Variants in SDHAF4 observed in about 807,000 individuals in gnomAD.
The protein encoded by SDHAF4 is succinate dehydrogenase complex assembly factor 4.
Under a neutral mutation model 14.3 loss-of-function variants are expected in SDHAF4, and 14 were observed. The observed-to-expected ratio is 0.98, with a 90% CI of 0.65 to 1.53. SDHAF4 has a LOEUF of 1.53. Among genes scored for constraint, SDHAF4 ranks in the 40% most tolerant of loss-of-function variants. SDHAF4 has a pLI of 0.00. For missense variants in SDHAF4, 141 were observed against 129.3 expected, an observed-to-expected ratio of 1.09 and a Z score of -0.44; for synonymous variants, 63 against 47.3, an observed-to-expected ratio of 1.33 and a Z score of -1.36.
intron 1 of SDHAF4, among the ~76,000 whole-genome samples, chr6:70,568,145 ATAG>A (rs1423985803): frequency 6.6e-6 from 1 of 152,200 alleles, no homozygotes; most frequent in African/African-American, 2.4e-5. Flanking sequence ...TAAGTTTTAA[ATAG>A]TCCAGAAATG....
chr6:70,594,485 C>G (rs960586373), downstream of SDHAF4, among the ~76,000 whole-genome samples: 2 of 152,122 alleles, frequency 1.3e-5, no homozygotes, highest in Admixed American at 6.5e-5. Context: ...CATTTGGCCA[C>G]CTCACCTTTT....
At chr6:70,590,897 T>G (rs879389949), downstream of SDHAF4, among the ~76,000 whole-genome samples, 5 of 152,060 alleles carry the variant, frequency 3.3e-5, no homozygotes, top group Non-Finnish European at 7.4e-5. Context: ...GCCAGTGGTG[T>G]GAATCAGTCT....
At chr6:70,573,350 G>T (rs1403708060) in intron 1 of SDHAF4, among the ~76,000 whole-genome samples, 1 of 135,438 alleles carries the variant, frequency 7.4e-6, no homozygotes, top group East Asian at 2.1e-4. Context: ...TGCAAACTCT[G>T]CCTCCTGGGT....
chr6:70,577,362 G>A (rs1025685998), intron 1 of SDHAF4, among the ~76,000 whole-genome samples: 1 of 144,576 alleles, frequency 6.9e-6, no homozygotes, highest in Non-Finnish European at 1.5e-5. Context: ...AAATTGATCT[G>A]CTTCTAAAAG....
chr6:70,577,404 G>A (rs770224761), intron 1 of SDHAF4, among the ~76,000 whole-genome samples: 2 of 152,132 alleles, frequency 1.3e-5, no homozygotes, highest in African/African-American at 2.4e-5. Flanking sequence ...AACCCCTAAC[G>A]CTGAGATCAC....
chr6:70,579,453 CT>C lies in SDHAF4; in HGVS notation c.106del (p.Ser36LeufsTer31). On this transcript the variant is annotated frameshift_variant, in exon 2 of 3. Coordinates refer to ENST00000370474, the MANE Select transcript of SDHAF4 (RefSeq NM_145267.3). LOFTEE classifies it high-confidence loss of function. ...LLCHSLRKTS[S>X]SQGGKSELVK... ...TGTCATTCTCTGAGGAAAACAAGTT[CT>C]TCTCAAGGAGGAAAGTCTGAACTTG... 1 of 1,607,928 alleles carries C rather than the reference CT, an allele frequency of 6.2e-7. No individual in the cohort carries two copies. The highest frequency in any genetic ancestry group is 8.5e-7 in the Non-Finnish European group (1 of 1,176,780).
At chr6:70,598,107 G>A in the SDHAF4 span, among the ~76,000 whole-genome samples, 12 of 152,276 alleles carry the variant, frequency 7.9e-5, no homozygotes, top group Admixed American at 2.0e-4. Flanking sequence ...GCCGGATGTC[G>A]TGGCTCATAA....
chr6:70,580,361 C>T (rs1802307486), intron 2 of SDHAF4, among the ~76,000 whole-genome samples: 1 of 152,130 alleles, frequency 6.6e-6, no homozygotes. Context: ...AAATTGAAAC[C>T]CTCAGGCATT....
At chr6:70,591,781 G>A (rs188006366), downstream of SDHAF4, among the ~76,000 whole-genome samples, 34 of 152,346 alleles carry the variant, frequency 2.2e-4, no homozygotes, top group Non-Finnish European at 4.4e-4. Flanking sequence ...ATTCACAGAG[G>A]TGCTATGGTT....
chr6:70,579,907 G>A (rs893830563), intron 2 of SDHAF4, among the ~76,000 whole-genome samples: 2 of 152,094 alleles, frequency 1.3e-5, no homozygotes, highest in East Asian at 1.9e-4. Flanking sequence ...AAGATCTTAT[G>A]TGAATAATGA....
At chr6:70,585,095 C>T (rs994010064) in intron 2 of SDHAF4, among the ~76,000 whole-genome samples, 2 of 152,180 alleles carry the variant, frequency 1.3e-5, no homozygotes, top group Non-Finnish European at 2.9e-5. Flanking sequence ...TTCCCCAGTG[C>T]TGTGGACTGA....
intron 2 of SDHAF4, among the ~76,000 whole-genome samples, chr6:70,585,613 A>G (rs1765186225): frequency 6.6e-6 from 1 of 152,210 alleles, no homozygotes. Context: ...CCAGTGAGCC[A>G]CAGAGATATG....
chr6:70,590,775 G>A (rs1484414313), downstream of SDHAF4, among the ~76,000 whole-genome samples: 2 of 152,100 alleles, frequency 1.3e-5, no homozygotes, highest in Admixed American at 1.3e-4. Context: ...ATTAGTCAGG[G>A]CTCTTCAATA....
chr6:70,576,887 T>C (rs1802262675), intron 1 of SDHAF4, among the ~76,000 whole-genome samples: 1 of 152,216 alleles, frequency 6.6e-6, no homozygotes. Flanking sequence ...TTGTTTCCTA[T>C]TGCTGCTGTA....
chr6:70,593,111 G>A (rs933624180), downstream of SDHAF4, among the ~76,000 whole-genome samples: 6 of 152,272 alleles, frequency 3.9e-5, no homozygotes, highest in African/African-American at 1.2e-4. Flanking sequence ...AGTGTGGCTC[G>A]ACCTGCCACT....
intron 2 of SDHAF4, among the ~76,000 whole-genome samples, chr6:70,587,568 G>T (rs1324065941): frequency 6.6e-6 from 1 of 152,180 alleles, no homozygotes; most frequent in Non-Finnish European, 1.5e-5. Flanking sequence ...CATATACAGA[G>T]CAGTGCAGTG....
chr6:70,579,419 C>G lies in SDHAF4; in HGVS notation c.70C>G (p.Pro24Ala), dbSNP rs1404822407. 6.3e-7 allele frequency: 1 copy of G among 1,590,772 alleles called. No homozygotes were observed. The highest frequency in any genetic ancestry group is 8.6e-7 in the Non-Finnish European group (1 of 1,168,498). ...TATTATCTCCACTCTTCTAGGATCA[C>G]CCCTTCTGTGTCATTCTCTGAGGAA... ...SATAWRAARSPLLCHSLRKTS... is the reference protein window; with the variant it reads ...SATAWRAARSALLCHSLRKTS... Residue 24 changes from proline (P) to alanine (A), a missense_variant, in exon 2 of 3, where the codon CCC becomes GCC. Physicochemically the swap from Pro to Ala is conservative, Grantham distance 27 (BLOSUM62 -1). Coordinates refer to ENST00000370474, the MANE Select transcript of SDHAF4 (RefSeq NM_145267.3).
chr6:70,586,895 A>C (rs1465460586), intron 2 of SDHAF4, among the ~76,000 whole-genome samples: 1 of 152,172 alleles, frequency 6.6e-6, no homozygotes, highest in Non-Finnish European at 1.5e-5. Context: ...GCGGCCGGGC[A>C]CAGTGGCTCA....
chr6:70,575,995 A>T (rs938566866), intron 1 of SDHAF4, among the ~76,000 whole-genome samples: 3 of 152,334 alleles, frequency 2.0e-5, no homozygotes, highest in Admixed American at 1.3e-4. Flanking sequence ...GAATACAGTT[A>T]CTATTGCTCA....
Sources: gnomAD v4.1 joint callset for allele counts (sites outside exome capture counted in the v4.1 genomes callset) on GRCh38, gnomAD v4.1.1 for gene constraint, MANE v1.5 for transcripts, NCBI Gene and HGNC (gene_info 2026-07-23, HGNC 2026-07-21) for gene names.